Variants in PCDHGB7 observed in about 807,000 individuals in gnomAD.
PCDHGB7 encodes the protein protocadherin gamma subfamily B, 7.
In PCDHGB7, 37 loss-of-function variants were observed where a neutral mutation model predicts 61.4. The ratio of observed to expected loss-of-function variants is 0.60; its 90% CI spans 0.46 to 0.79. PCDHGB7 has a LOEUF of 0.79. Ranked by LOEUF, PCDHGB7 falls within the 30% of genes least tolerant of loss-of-function variation. The pLI is 0.00. For synonymous variants in PCDHGB7, 464 were observed against 503.5 expected (o/e 0.92, Z 1.05); for missense variants, 1,166 against 1,202.5 (o/e 0.97, Z 0.45).
rs1189387492 is a variant in PCDHGB7, at chr5:141,419,828, AC to A, written c.1970del (p.Thr657MetfsTer42). On this transcript the variant is annotated frameshift_variant, in exon 1 of 4. Coordinates refer to ENST00000398594, the MANE Select transcript of PCDHGB7 (RefSeq NM_018927.4). LOFTEE classifies it high-confidence loss of function. ...TGGAGGACAGCCACCCCTTTCAGCCACTGCCACGCTGCACCTGGTGTTCGCA... is the reference window on the plus strand; with the variant it reads ...TGGAGGACAGCCACCCCTTTCAGCCATGCCACGCTGCACCTGGTGTTCGCA... ...RDGGQPPLSA[T>X]ATLHLVFADS... is the part of the protein sequence containing the mutation. The A allele has an allele frequency of 6.2e-7, 1 of 1,614,022 alleles. No individual in the cohort carries two copies. Among genetic ancestry groups the A allele is most frequent in the Non-Finnish European group, 8.5e-7 (1 of 1,179,878 alleles).
intron 1 of PCDHGB7, among the ~76,000 whole-genome samples, chr5:141,447,644 G>A (rs1212910845): frequency 1.3e-5 from 2 of 152,146 alleles, no homozygotes; most frequent in Admixed American, 1.3e-4. Context: ...AATGATGGTA[G>A]AATTTTCCCC....
chr5:141,490,317 C>A lies in PCDHGB7; in HGVS notation c.2416-4490C>A, dbSNP rs2233604. ...TATTGGCCTCTTTGGCCAACCCTGT[C>A]CTAGAGAGCACACCAGTGGGCACAG... On this transcript the variant is annotated intron_variant, in intron 1 of 3. Coordinates refer to ENST00000398594, the MANE Select transcript of PCDHGB7 (RefSeq NM_018927.4). The surrounding 1 kb of genome is among the most constrained non-coding windows in gnomAD (Gnocchi z 5.4). 32,069 of 1,614,158 alleles carry A rather than the reference C, an allele frequency of 0.02. 521 individuals carry two copies. Among genetic ancestry groups the A allele is most frequent in the African/African-American group, 0.081 (6,098 of 75,022 alleles).
At chr5:141,441,246 C>G (rs2098234855) in intron 1 of PCDHGB7, 1 of 152,136 alleles carries the variant, frequency 6.6e-6, no homozygotes, top group Non-Finnish European at 1.5e-5. Flanking sequence ...ATCACAAGAT[C>G]TTTAAATCAC....
At chr5:141,458,308 A>G (rs1363472724) in intron 1 of PCDHGB7, among the ~76,000 whole-genome samples, 1 of 152,196 alleles carries the variant, frequency 6.6e-6, no homozygotes, top group Non-Finnish European at 1.5e-5. Context: ...AGATAAAATG[A>G]CACAGACACA....
chr5:141,430,763 A>C, intron 1 of PCDHGB7: 1 of 1,506,248 alleles, frequency 6.6e-7, no homozygotes, highest in Non-Finnish European at 8.9e-7. Flanking sequence ...GATAAGAATG[A>C]TTCCTGCGCG....
chr5:141,505,317 G>A, intron 2 of PCDHGB7, 76 bp from the exon 3 acceptor site: 1 of 1,603,092 alleles, frequency 6.2e-7, no homozygotes, highest in Non-Finnish European at 8.5e-7. Flanking sequence ...AGGTTTGGGA[G>A]CCCTGGGAGA....
Position 141,418,394 on chromosome 5 carries a change from T to C in PCDHGB7, c.535T>C (p.Ser179Pro). ...CCAACTAAGTCCTAACGAGTATTTC[T>C]CATTGGTGGAGAAAGACAATCCTGA... ...KYQLSPNEYF[S>P]LVEKDNPDGG... Residue 179 changes from serine to proline, a missense_variant, in exon 1 of 4, where the codon TCA becomes CCA. Coordinates refer to ENST00000398594, the MANE Select transcript of PCDHGB7 (RefSeq NM_018927.4). 6.2e-7 allele frequency: 1 copy of C among 1,614,020 alleles called. No homozygotes were observed. The highest frequency in any genetic ancestry group is 8.5e-7 in the Non-Finnish European group (1 of 1,179,906).
rs1393235114 is a variant in PCDHGB7, at chr5:141,476,581, G to T, written c.2416-18226G>T. ...CCGTGGCTCCGGGGACGCGCTTTCC[G>T]CTCGAGAGCGCGCACGATCCCGATG... On this transcript the variant is annotated intron_variant, in intron 1 of 3. Transcript: ENST00000398594. This position sits in a 1 kb window ranked among gnomAD's most constrained non-coding sequence, Gnocchi z 7.6. 8.7e-6 allele frequency: 14 copies of T among 1,614,112 alleles called. No homozygotes were observed. The Admixed American group carries it at 2.2e-4, about 25-fold the overall frequency.
chr5:141,505,345 G>A (rs776607130), intron 2 of PCDHGB7, 48 bp from the exon 3 acceptor site: 13 of 1,613,086 alleles, frequency 8.1e-6, no homozygotes, highest in Non-Finnish European at 1.1e-5. Flanking sequence ...AGGGGCATGA[G>A]CTGTGCCGGC....
intron 1 of PCDHGB7, chr5:141,427,747 C>A (rs2097063869): frequency 1.6e-6 from 2 of 1,277,502 alleles, no homozygotes; most frequent in Non-Finnish European, 2.2e-6. Flanking sequence ...GTCTCCTACT[C>A]CATCGTTACC....
At chr5:141,438,248 C>A (rs1370527448) in intron 1 of PCDHGB7, among the ~76,000 whole-genome samples, 1 of 151,970 alleles carries the variant, frequency 6.6e-6, no homozygotes, top group Non-Finnish European at 1.5e-5. Flanking sequence ...AAAAAACTGT[C>A]ATTGAAGAGA....
At chr5:141,453,240 A>G (rs1470706774) in intron 1 of PCDHGB7, among the ~76,000 whole-genome samples, 1 of 152,020 alleles carries the variant, frequency 6.6e-6, no homozygotes, top group African/African-American at 2.4e-5. Context: ...CAGCCTCCCA[A>G]ATAGCTGGGG....
chr5:141,473,238 G>A (rs1265577738), intron 1 of PCDHGB7, among the ~76,000 whole-genome samples: 4 of 152,200 alleles, frequency 2.6e-5, no homozygotes, highest in Admixed American at 6.5e-5. Context: ...ATCCACACAA[G>A]TGAATACATA....
In PCDHGB7 at chr5:141,418,018, T is replaced by C; in HGVS notation, c.159T>C (p.Asp53=). The change falls in exon 1 of 4, where the codon GAT becomes GAC. Residue 53 remains aspartate, a synonymous_variant. Transcript: ENST00000398594. The part of the protein sequence containing the change: ...KGSVVGNLAK[D]LGLSVLDVSA... ...CGGTGGTGGGGAACCTCGCTAAGGA[T>C]CTAGGGCTTAGTGTCCTGGATGTGT... 1 of 1,613,868 alleles carries C rather than the reference T, an allele frequency of 6.2e-7. No homozygotes were observed. Among genetic ancestry groups the C allele is most frequent in the Non-Finnish European group, 8.5e-7 (1 of 1,179,808 alleles).
chr5:141,433,048 G>T (rs777523454), intron 1 of PCDHGB7: 20 of 1,614,142 alleles, frequency 1.2e-5, no homozygotes, highest in Non-Finnish European at 1.5e-5. Flanking sequence ...CCACGGACTC[G>T]CGGAAGAGTC....
intron 3 of PCDHGB7, chr5:141,508,363 A>G (rs996562348): frequency 1.3e-5 from 2 of 152,230 alleles, no homozygotes; most frequent in Non-Finnish European, 2.9e-5. Flanking sequence ...TGGCAATCCA[A>G]CTTCTTCCCC....
rs764692908 is a variant in PCDHGB7 at position 141,431,246 on chromosome 5, G to C, written c.2415+10972G>C. On this transcript the variant is annotated intron_variant, in intron 1 of 3. Coordinates refer to ENST00000398594, the MANE Select transcript of PCDHGB7 (RefSeq NM_018927.4). The surrounding 1 kb of genome is among the most constrained non-coding windows in gnomAD (Gnocchi z 4.8). ...ACCCCACGCCTGGGATCCGGATATC[G>C]GGAAGAACTCTCTGCAGAGCTACGA... 9 of 1,613,982 alleles carry C rather than the reference G, an allele frequency of 5.6e-6. No individual in the cohort carries two copies. Among genetic ancestry groups the C allele is most frequent in the Non-Finnish European group, 7.6e-6 (9 of 1,180,050 alleles).
rs530001704 is a variant in PCDHGB7, at chr5:141,434,708, ATC to A, written c.2415+14438_2415+14439del. 3.9e-3 allele frequency among the ~76,000 whole-genome samples: 589 copies of A among 152,052 alleles called. 6 individuals are homozygous for A. The highest frequency in any genetic ancestry group is 0.011 in the Admixed American group (170 of 15,250). ...TTGCTGTTAATAAATATGTGGGTAA[ATC>A]TCTGTTCAGGGCTCTCAGCTCTGAA... On this transcript the variant is annotated intron_variant, in intron 1 of 3. Coordinates refer to ENST00000398594, the MANE Select transcript of PCDHGB7 (RefSeq NM_018927.4).
chr5:141,421,910 C>G, intron 1 of PCDHGB7: 1 of 1,613,716 alleles, frequency 6.2e-7, no homozygotes, highest in Non-Finnish European at 8.5e-7. Flanking sequence ...GGCGCAGTTC[C>G]CATTCGTGTG....
Sources: allele counts gnomAD v4.1 joint callset (sites outside exome capture counted in the v4.1 genomes callset), GRCh38; gene constraint gnomAD v4.1.1; non-coding constraint Gnocchi (gnomAD v3.1); transcripts MANE v1.5; gene names NCBI Gene and HGNC (gene_info 2026-07-23, HGNC 2026-07-21).